VIPR2: variants seen among roughly 807,000 people sequenced by gnomAD.
The protein encoded by VIPR2 is vasoactive intestinal polypeptide receptor 2.
In VIPR2, 48 loss-of-function variants were observed where a neutral mutation model predicts 58.0. The ratio of observed to expected loss-of-function variants is 0.83; its 90% CI spans 0.66 to 1.05. The LOEUF (loss-of-function observed/expected upper bound fraction) is 1.05. Ranked by LOEUF, VIPR2 falls within the 50% of genes least tolerant of loss-of-function variation. VIPR2 has a pLI of 0.00. For missense variants in VIPR2, 534 were observed against 558.0 expected (o/e 0.96, Z 0.43); for synonymous variants, 243 against 235.2 (o/e 1.03, Z -0.30).
At chr7:159,137,022 C>T (rs549970823) in intron 2 of VIPR2, among the ~76,000 whole-genome samples, 111 of 152,140 alleles carry the variant, frequency 7.3e-4, no homozygotes, top group African/African-American at 2.6e-3. Context: ...GAGAGGCCAT[C>T]GACTGGTGGG....
At chr7:159,069,066 T>C (rs2129494469) in intron 4 of VIPR2, among the ~76,000 whole-genome samples, 1 of 152,266 alleles carries the variant, frequency 6.6e-6, no homozygotes, top group East Asian at 1.9e-4. Flanking sequence ...CTGGTTCTGG[T>C]ACCTCACTGG....
intron 4 of VIPR2, among the ~76,000 whole-genome samples, chr7:159,101,920 CAA>C: frequency 6.8e-6 from 1 of 147,944 alleles, no homozygotes; most frequent in African/African-American, 2.5e-5. Context: ...GAGGCGGTTC[CAA>C]CTGTTCCTGT....
chr7:159,066,322 G>T (rs547020472), intron 4 of VIPR2, among the ~76,000 whole-genome samples: 2 of 151,796 alleles, frequency 1.3e-5, no homozygotes, highest in African/African-American at 4.8e-5. Flanking sequence ...ATTCCAGGAT[G>T]CCTGCTTCCA....
At chr7:159,066,019 C>A (rs1218786010) in intron 4 of VIPR2, among the ~76,000 whole-genome samples, 1 of 152,256 alleles carries the variant, frequency 6.6e-6, no homozygotes, top group Admixed American at 6.5e-5. Flanking sequence ...CCTTTAGGGG[C>A]CTGCTCCCGC....
At position 159,093,868 on chromosome 7, in the gene VIPR2, C is replaced by T. The variant is rs553369333; in HGVS notation, c.357+9889G>A. ...CAGTGTCCCTGAGTCTCCTGGACAG[C>T]GGCCACCCCATGCCCAGTGCTGACG... On this transcript the variant is annotated intron_variant, in intron 4 of 12. Coordinates refer to ENST00000262178, the MANE Select transcript of VIPR2 (RefSeq NM_003382.5). The surrounding 1 kb of genome is among the most constrained non-coding windows in gnomAD (Gnocchi z 6.7). Among the ~76,000 whole-genome samples, 29 of 152,306 alleles carry T rather than the reference C, an allele frequency of 1.9e-4. No homozygotes were observed. Among genetic ancestry groups the T allele is most frequent in the Admixed American group, 9.1e-4 (14 of 15,306 alleles).
chr7:159,083,001 G>A (rs1462491532), intron 4 of VIPR2, among the ~76,000 whole-genome samples: 1 of 152,186 alleles, frequency 6.6e-6, no homozygotes, highest in East Asian at 1.9e-4. Context: ...TGTTTCAGTT[G>A]TGGTTGGCTT....
At chr7:159,062,970 C>T (rs1282046647) in intron 4 of VIPR2, among the ~76,000 whole-genome samples, 1 of 152,216 alleles carries the variant, frequency 6.6e-6, no homozygotes, top group African/African-American at 2.4e-5. Context: ...CTGATTGGTG[C>T]ATTTACAAAT....
chr7:159,118,790 C>T (rs1449723001), intron 2 of VIPR2, among the ~76,000 whole-genome samples: 1 of 152,274 alleles, frequency 6.6e-6, no homozygotes, highest in Non-Finnish European at 1.5e-5. Context: ...ACGTGGCTCC[C>T]ACGGTCACTT....
Position 159,031,511 on chromosome 7 carries a change from G to C in VIPR2, c.1143+317C>G. The C allele has an allele frequency of 1.0e-6, 1 of 985,298 alleles. No homozygotes were observed. Among genetic ancestry groups the C allele is most frequent in the South Asian group, 4.7e-5 (1 of 21,282 alleles). The allele number at this position is 985,298 out of a possible 1,614,324, so 61.0% of individuals were successfully genotyped here. A position where few individuals can be genotyped will look rare whatever the true frequency, so the allele number is the denominator to read the frequency against. On this transcript the variant is annotated intron_variant, in intron 12 of 12. Coordinates refer to ENST00000262178, the MANE Select transcript of VIPR2 (RefSeq NM_003382.5). The surrounding 1 kb of genome is among the most constrained non-coding windows in gnomAD (Gnocchi z 4.0). ...GGACTCACAAGCTATGGTCAGGAGC[G>C]AGACGCCGACCATGGGGAAAAACAG...
At chr7:159,067,194 C>T (rs1412000536) in intron 4 of VIPR2, among the ~76,000 whole-genome samples, 1 of 152,224 alleles carries the variant, frequency 6.6e-6, no homozygotes, top group African/African-American at 2.4e-5. Context: ...ATACGACCAC[C>T]ATTCACCCAC....
intron 2 of VIPR2, among the ~76,000 whole-genome samples, chr7:159,133,055 A>C (rs149391050): frequency 0.035 from 3,655 of 104,226 alleles, 605 homozygotes; most frequent in Non-Finnish European, 0.058. Flanking sequence ...TCCCTAAAGG[A>C]ATCTCTACAA....
chr7:159,088,808 C>T (rs1857324094), intron 4 of VIPR2, among the ~76,000 whole-genome samples: 2 of 152,224 alleles, frequency 1.3e-5, no homozygotes, highest in Admixed American at 1.3e-4. Context: ...ATCCCAGTGC[C>T]TCAGGCCTCG....
intron 5 of VIPR2, among the ~76,000 whole-genome samples, chr7:159,047,715 T>A (rs1189256094): frequency 1.3e-5 from 2 of 152,254 alleles, no homozygotes; most frequent in African/African-American, 4.8e-5. Flanking sequence ...AGTATTTATG[T>A]GCAAATGCTT....
At chr7:159,075,306 T>C (rs748701319) in intron 4 of VIPR2, among the ~76,000 whole-genome samples, 3 of 152,230 alleles carry the variant, frequency 2.0e-5, no homozygotes, top group Admixed American at 6.5e-5. Flanking sequence ...CCTCAGCACA[T>C]TGTAGCCAAT....
chr7:159,062,641 C>T (rs114378109), intron 4 of VIPR2, among the ~76,000 whole-genome samples: 1,837 of 152,172 alleles, frequency 0.012, 26 homozygotes, highest in African/African-American at 0.041. Context: ...AGCTCATAAG[C>T]GCAGTGCTGA....
chr7:159,049,699 G>A (rs889378858), intron 5 of VIPR2, among the ~76,000 whole-genome samples: 3 of 152,340 alleles, frequency 2.0e-5, no homozygotes, highest in Middle Eastern at 6.8e-3. Flanking sequence ...GGCCAAGGGC[G>A]AGTACTTGGG....
chr7:159,074,587 T>A (rs979534874), intron 4 of VIPR2, among the ~76,000 whole-genome samples: 1 of 152,176 alleles, frequency 6.6e-6, no homozygotes, highest in Non-Finnish European at 1.5e-5. Context: ...AAAATAAATT[T>A]CCATTTTTCA....
rs1563355257 is a variant in VIPR2 at position 159,132,851 on chromosome 7, CCG to C, written c.151+9593_151+9594del. 2.5e-4 allele frequency among the ~76,000 whole-genome samples: 31 copies of C among 122,312 alleles called. 3 individuals carry two copies. Among genetic ancestry groups the C allele is most frequent in the African/African-American group, 8.3e-4 (29 of 35,058 alleles). 80.2% of individuals were successfully genotyped at this position (122,312 alleles called of 152,430 possible). The stretch of plus-strand genomic sequence containing the variant: ...GATTTGAGACAGAATGATTGGCATA[CCG>C]ATTGATTTTAGACAGAATGATTGGC... On this transcript the variant is annotated intron_variant, in intron 2 of 12. Coordinates refer to ENST00000262178, the MANE Select transcript of VIPR2 (RefSeq NM_003382.5).
chr7:159,055,847 C>T (rs894304124), intron 5 of VIPR2, among the ~76,000 whole-genome samples: 2 of 152,138 alleles, frequency 1.3e-5, no homozygotes, highest in East Asian at 1.9e-4. Context: ...ACTCACTGCT[C>T]GTTTTAAATT....
Sources: gnomAD v4.1 joint callset for allele counts (sites outside exome capture counted in the v4.1 genomes callset) on GRCh38, gnomAD v4.1.1 for gene constraint, Gnocchi (gnomAD v3.1) non-coding constraint, MANE v1.5 for transcripts, NCBI Gene and HGNC (gene_info 2026-07-23, HGNC 2026-07-21) for gene names.